YAF2: variants seen among roughly 807,000 people sequenced by gnomAD.
YAF2 encodes the protein YY1-associated factor 2.
YAF2 carries 7 observed loss-of-function variants against 20.1 expected under a neutral mutation model. The ratio of observed to expected loss-of-function variants is 0.35; its 90% CI spans 0.20 to 0.65. The LOEUF (loss-of-function observed/expected upper bound fraction) is 0.65, where lower values mean the gene tolerates loss of function less well. Among genes scored for constraint, YAF2 ranks in the 30% least tolerant of loss-of-function variants. YAF2 has a pLI of 0.69. For synonymous variants in YAF2, 74 were observed against 76.0 expected, an observed-to-expected ratio of 0.97 and a Z score of 0.14; for missense variants, 151 against 219.2, an observed-to-expected ratio of 0.69 and a Z score of 1.96.
intron 2 of YAF2, chr12:42,199,416 C>T (rs907821632): frequency 1.1e-5 from 3 of 265,194 alleles, no homozygotes; most frequent in Admixed American, 5.2e-5. Flanking sequence ...CAACTTTATC[C>T]TTTCTCAGTA....
At chr12:42,166,366 T>C (rs1295541967) in intron 2 of YAF2, among the ~76,000 whole-genome samples, 5 of 152,252 alleles carry the variant, frequency 3.3e-5, no homozygotes, top group Admixed American at 1.3e-4. Flanking sequence ...TTTTCATTTG[T>C]AGATGAGGTA....
At chr12:42,225,107 T>G (rs538695071) in intron 2 of YAF2, among the ~76,000 whole-genome samples, 1 of 152,364 alleles carries the variant, frequency 6.6e-6, no homozygotes, top group East Asian at 1.9e-4. Flanking sequence ...TGGTTTGATG[T>G]GCATTTCTCT....
At chr12:42,225,700 T>C (rs1459869636) in intron 2 of YAF2, among the ~76,000 whole-genome samples, 1 of 152,220 alleles carries the variant, frequency 6.6e-6, no homozygotes, top group Non-Finnish European at 1.5e-5. Flanking sequence ...ATACGTGGTG[T>C]TATTTCTGAG....
chr12:42,207,637 A>G (rs534083458), intron 2 of YAF2, among the ~76,000 whole-genome samples: 11 of 152,356 alleles, frequency 7.2e-5, no homozygotes, highest in Admixed American at 2.6e-4. Flanking sequence ...TCATGCCTGT[A>G]ATCCCAGCAC....
chr12:42,216,556 G>T (rs963856760), intron 2 of YAF2, among the ~76,000 whole-genome samples: 3 of 151,712 alleles, frequency 2.0e-5, no homozygotes, highest in Non-Finnish European at 4.4e-5. Flanking sequence ...AAAAAATAAA[G>T]ATGTTCCTCA....
At chr12:42,164,795 C>A (rs1023450634) in intron 2 of YAF2, among the ~76,000 whole-genome samples, 1 of 152,052 alleles carries the variant, frequency 6.6e-6, no homozygotes, top group Admixed American at 6.6e-5. Flanking sequence ...TACAACCAAG[C>A]GTGGTGGCTC....
intron 2 of YAF2, among the ~76,000 whole-genome samples, chr12:42,227,844 TG>T (rs1260645926): frequency 7.7e-5 from 8 of 103,422 alleles, no homozygotes; most frequent in South Asian, 3.5e-4. Context: ...GGGAGGGAGG[TG>T]GGGGGGTCAG....
rs1183561594 is a variant in YAF2, at chr12:42,228,182, G to A, written c.152+9417C>T. Among the ~76,000 whole-genome samples, 48 of 85,728 alleles carry A rather than the reference G, an allele frequency of 5.6e-4. 1 individual carries two copies. The highest frequency in any genetic ancestry group is 5.5e-3 in the East Asian group (12 of 2,182). 56.2% of individuals were successfully genotyped at this position (85,728 alleles called of 152,430 possible). A position where few individuals can be genotyped will look rare whatever the true frequency, so the allele number is the denominator to read the frequency against. On this transcript the variant is annotated intron_variant, in intron 2 of 3. Coordinates refer to ENST00000534854, the MANE Select transcript of YAF2 (RefSeq NM_005748.6). ...GGCCCCCCGCCCGGCCAGCCGCCCC[G>A]TCCGGGAGGGAGGTGGGGGGGTCGG...
chr12:42,228,629 G>A (rs1461622922), intron 2 of YAF2, among the ~76,000 whole-genome samples: 2 of 99,592 alleles, frequency 2.0e-5, no homozygotes, highest in Non-Finnish European at 3.9e-5. Context: ...CCCCCCGCCC[G>A]GCCAGCCGCC....
rs1272121758 is a variant in YAF2, at chr12:42,160,013, A to T, written c.*576T>A. On this transcript the variant is annotated 3_prime_UTR_variant, in exon 4 of 4. Coordinates refer to ENST00000534854, the MANE Select transcript of YAF2 (RefSeq NM_005748.6). ...ACCAGAAACATAATTCAGGAACAAT[A>T]ATTAGTAAAACGTGTCAAAAACATT... 6.6e-6 allele frequency: 1 copy of T among 152,596 alleles called. No homozygotes were observed. The highest frequency in any genetic ancestry group is 2.4e-5 in the African/African-American group (1 of 41,460). The allele number at this position is 152,596 out of a possible 1,614,324, so 9.5% of individuals were successfully genotyped here. A position where few individuals can be genotyped will look rare whatever the true frequency, so the allele number is the denominator to read the frequency against.
At chr12:42,236,328 T>G (rs1026258950) in intron 2 of YAF2, among the ~76,000 whole-genome samples, 3 of 152,332 alleles carry the variant, frequency 2.0e-5, no homozygotes, top group Non-Finnish European at 4.4e-5. Context: ...AGCAAATACT[T>G]TTTTTCTTTT....
intron 2 of YAF2, among the ~76,000 whole-genome samples, chr12:42,174,247 C>T (rs1704617553): frequency 6.6e-6 from 1 of 152,156 alleles, no homozygotes; most frequent in African/African-American, 2.4e-5. Context: ...TAGTCAGGCT[C>T]TTGTCCTTCC....
intron 2 of YAF2, chr12:42,234,154 G>C (rs2068063719): frequency 1.0e-6 from 1 of 953,380 alleles, no homozygotes; most frequent in African/African-American, 1.8e-5. Context: ...CTGGGCGACA[G>C]AGCAAGACTG....
chr12:42,161,687 CTCTT>C lies in YAF2; in HGVS notation c.227_230del (p.Lys76ArgfsTer6), dbSNP rs2065803111. 6.2e-7 allele frequency: 1 copy of C among 1,606,688 alleles called. No homozygotes were observed. The highest frequency in any genetic ancestry group is 1.3e-5 in the African/African-American group (1 of 74,200). ...TTTCTTTTTCTACTTTATCTTTTTTCTCTTTCTTTGACTGTGTAGGAGGCACAAA... is the reference window on the plus strand; with the variant it reads ...TTTCTTTTTCTACTTTATCTTTTTTCTCTTTGACTGTGTAGGAGGCACAAA... On this transcript the variant is annotated frameshift_variant, in exon 3 of 4. Transcript: ENST00000534854. LOFTEE classifies it high-confidence loss of function.
At chr12:42,207,751 C>T (rs1028767850) in intron 2 of YAF2, among the ~76,000 whole-genome samples, 3 of 152,032 alleles carry the variant, frequency 2.0e-5, no homozygotes, top group East Asian at 1.9e-4. Flanking sequence ...ATTAGCCGGG[C>T]GTCGTGGCGG....
At chr12:42,237,395 C>T in intron 2 of YAF2, 2 of 1,279,304 alleles carry the variant, frequency 1.6e-6, no homozygotes, top group Non-Finnish European at 2.0e-6. Flanking sequence ...CAGCAAAAAA[C>T]GTTACAGCCT....
intron 2 of YAF2, among the ~76,000 whole-genome samples, chr12:42,236,850 T>C (rs762678828): frequency 1.3e-5 from 2 of 152,218 alleles, no homozygotes; most frequent in East Asian, 1.9e-4. Context: ...TGCCACTGAC[T>C]GAATTTCCTG....
chr12:42,197,086 C>T (rs1185474338), intron 2 of YAF2, among the ~76,000 whole-genome samples: 6 of 152,082 alleles, frequency 3.9e-5, no homozygotes, highest in Non-Finnish European at 8.8e-5. Context: ...GGAATTTTTT[C>T]GAAAATTAGT....
intron 2 of YAF2, among the ~76,000 whole-genome samples, chr12:42,179,789 C>CAAAAAAAAAAA (rs71084622): frequency 9.4e-5 from 8 of 85,124 alleles, no homozygotes; most frequent in South Asian, 4.4e-4. Context: ...GTCTAAAAGG[C>CAAAAAAAAAAA]AAAAAAAAAA....
Sources: gnomAD v4.1 joint callset for allele counts (sites outside exome capture counted in the v4.1 genomes callset) on GRCh38, gnomAD v4.1.1 for gene constraint, MANE v1.5 for transcripts, NCBI Gene and HGNC (gene_info 2026-07-23, HGNC 2026-07-21) for gene names.